RDX: variants seen among roughly 807,000 people sequenced by gnomAD.
RDX encodes the protein deafness, autosomal recessive 24.
A neutral mutation model predicts 83.7 loss-of-function variants in RDX; 32 were observed. The ratio of observed to expected loss-of-function variants is 0.38; its 90% CI spans 0.29 to 0.51. The LOEUF (loss-of-function observed/expected upper bound fraction) is 0.51, where lower values mean the gene tolerates loss of function less well. Ranked by LOEUF, RDX falls within the 20% of genes least tolerant of loss-of-function variation. The probability of loss-of-function intolerance (pLI) is 0.87; values close to 1 mark genes in which losing one functional copy is unlikely to be tolerated. For synonymous variants in RDX, 229 were observed against 222.7 expected, an observed-to-expected ratio of 1.03 and a Z score of -0.25; for missense variants, 600 against 689.9, an observed-to-expected ratio of 0.87 and a Z score of 1.46.
chr11:110,209,763 C>T (rs1384302724), intron 14 of RDX, among the ~76,000 whole-genome samples: 10 of 145,384 alleles, frequency 6.9e-5, no homozygotes, highest in African/African-American at 2.5e-4. Context: ...TCCAACAGAC[C>T]TGCAGCTGAG....
At chr11:110,216,541 CTTTTTT>C (rs11432416) in intron 14 of RDX, among the ~76,000 whole-genome samples, 1 of 136,686 alleles carries the variant, frequency 7.3e-6, no homozygotes, top group Non-Finnish European at 1.6e-5. Context: ...AATTTTTTTT[CTTTTTT>C]TTTTTTTTTA....
chr11:110,255,689 C>T (rs1325575185), intron 7 of RDX, among the ~76,000 whole-genome samples: 11 of 151,854 alleles, frequency 7.2e-5, no homozygotes, highest in Admixed American at 6.6e-4. Context: ...GGGGTTTGAA[C>T]TAGCTGTTCA....
At chr11:110,244,424 G>A (rs1250463240) in intron 10 of RDX, among the ~76,000 whole-genome samples, 7 of 135,214 alleles carry the variant, frequency 5.2e-5, no homozygotes, top group Non-Finnish European at 9.4e-5. Context: ...CAATATGAAC[G>A]AAACTTTAGA....
chr11:110,260,180 T>G (rs577528940), intron 5 of RDX, among the ~76,000 whole-genome samples: 5 of 152,056 alleles, frequency 3.3e-5, no homozygotes, highest in African/African-American at 1.2e-4. Context: ...GAGACGGGGT[T>G]TCTCCATGTT....
chr11:110,261,049 T>C (rs1442988290), intron 5 of RDX, among the ~76,000 whole-genome samples: 2 of 152,176 alleles, frequency 1.3e-5, no homozygotes, highest in African/African-American at 2.4e-5. Context: ...ACTTGGTAGG[T>C]TGATCTCTTT....
At chr11:110,239,365 C>G (rs1864991240) in intron 10 of RDX, among the ~76,000 whole-genome samples, 1 of 152,022 alleles carries the variant, frequency 6.6e-6, no homozygotes, top group Admixed American at 6.6e-5. Context: ...AAGCTCTATA[C>G]AGCAAAAGAA....
intron 5 of RDX, among the ~76,000 whole-genome samples, chr11:110,258,756 T>C (rs947529964): frequency 6.6e-6 from 1 of 152,108 alleles, no homozygotes; most frequent in African/African-American, 2.4e-5. Context: ...AGGTAGGTAA[T>C]ACTTTCAATT....
intron 7 of RDX, among the ~76,000 whole-genome samples, chr11:110,256,292 CAG>C (rs1859542868): frequency 6.6e-6 from 1 of 152,118 alleles, no homozygotes; most frequent in African/African-American, 2.4e-5. Context: ...TGCAGCACAG[CAG>C]AGTCTTTTCT....
At chr11:110,245,703 T>C (rs144034548) in intron 10 of RDX, among the ~76,000 whole-genome samples, 109 of 152,288 alleles carry the variant, frequency 7.2e-4, no homozygotes, top group Middle Eastern at 3.4e-3. Flanking sequence ...TGTAAAATAA[T>C]TGTATTATTT....
Position 110,212,171 on chromosome 11 carries a change from G to T in RDX, c.1749-12493C>A, listed in dbSNP as rs546398541. On this transcript the variant is annotated intron_variant, in intron 14 of 15. Coordinates refer to the RDX transcript ENST00000528498. ...AGGGGATATCACCACCGATCCCACA[G>T]AAATACAAACTACCATCAGAGAATA... Among the ~76,000 whole-genome samples the T allele has an allele frequency of 2.6e-4, 40 of 151,130 alleles. 1 individual carries two copies. The South Asian group carries it at 6.8e-3, about 26-fold the overall frequency.
At chr11:110,295,015 G>A (rs1266756681) in intron 1 of RDX, among the ~76,000 whole-genome samples, 1 of 152,098 alleles carries the variant, frequency 6.6e-6, no homozygotes, top group Admixed American at 6.5e-5. Flanking sequence ...AAGCGATTAA[G>A]CAAAGAAAGT....
chr11:110,262,427 A>G (rs570525398), intron 5 of RDX, among the ~76,000 whole-genome samples: 2 of 152,178 alleles, frequency 1.3e-5, no homozygotes, highest in East Asian at 3.9e-4. Context: ...TCCACTAAAA[A>G]TGCAAAAATT....
At position 110,264,299 on chromosome 11, in the gene RDX, C is replaced by T; in HGVS notation, c.193-65G>A. On this transcript the variant is annotated intron_variant, in intron 4 of 13. Transcript: ENST00000645495. Reference sequence around the variant, plus strand: ...AGTTTACAATAATTAGACCTAGTCACATCAAATTCTTTTTGGAAGAAAATG... The same window carrying T: ...AGTTTACAATAATTAGACCTAGTCATATCAAATTCTTTTTGGAAGAAAATG... 3.6e-6 allele frequency: 4 copies of T among 1,118,586 alleles called. No individual in the cohort carries two copies. In the South Asian group the frequency reaches 6.1e-5, roughly 17 times the overall value. 69.3% of individuals were successfully genotyped at this position (1,118,586 alleles called of 1,614,324 possible).
chr11:110,256,588 TAAG>T (rs1859554339), intron 7 of RDX, among the ~76,000 whole-genome samples: 1 of 152,004 alleles, frequency 6.6e-6, no homozygotes, highest in Non-Finnish European at 1.5e-5. Context: ...CCAAAAAAAT[TAAG>T]AAGCCAGGCA....
intron 14 of RDX, among the ~76,000 whole-genome samples, chr11:110,205,982 G>T (rs1423707077): frequency 6.0e-4 from 91 of 152,116 alleles, no homozygotes; most frequent in Non-Finnish European, 7.4e-5. Context: ...ATAGCCAGAC[G>T]CAGTGGCTCA....
At chr11:110,180,860 G>A (rs1316857036) in intron 15 of RDX, among the ~76,000 whole-genome samples, 1 of 151,730 alleles carries the variant, frequency 6.6e-6, no homozygotes, top group African/African-American at 2.4e-5. Context: ...TTAGAAAATC[G>A]GAGCTCCAGC....
At chr11:110,220,881 A>AAG (rs1363807798) in intron 14 of RDX, among the ~76,000 whole-genome samples, 1 of 150,352 alleles carries the variant, frequency 6.7e-6, no homozygotes, top group Non-Finnish European at 1.5e-5. Flanking sequence ...GCCTCTGTAA[A>AAG]AAAAAAAAAA....
intron 7 of RDX, 54 bp downstream of exon 7, chr11:110,257,713 C>A: frequency 2.1e-5 from 33 of 1,570,418 alleles, no homozygotes; most frequent in Non-Finnish European, 2.8e-5. Context: ...ATAAGATTAA[C>A]GTCATTTAGA....
intron 12 of RDX, among the ~76,000 whole-genome samples, chr11:110,235,756 A>T (rs1031751517): frequency 6.6e-5 from 10 of 152,172 alleles, no homozygotes; most frequent in Admixed American, 2.0e-4. Flanking sequence ...TCCTATACTC[A>T]TTCAGTTCCC....
Sources: gnomAD v4.1 joint callset for allele counts (sites outside exome capture counted in the v4.1 genomes callset) on GRCh38, gnomAD v4.1.1 for gene constraint, MANE v1.5 for transcripts, NCBI Gene and HGNC (gene_info 2026-07-23, HGNC 2026-07-21) for gene names.